Variants in GPATCH11 observed in about 807,000 individuals in gnomAD.
The protein encoded by GPATCH11 is G patch domain-containing protein 11.
A neutral mutation model predicts 44.8 loss-of-function variants in GPATCH11; 32 were observed. The ratio of observed to expected loss-of-function variants is 0.71; its 90% CI spans 0.54 to 0.96. The LOEUF (loss-of-function observed/expected upper bound fraction) is 0.96, where lower values mean the gene tolerates loss of function less well. Ranked by LOEUF, GPATCH11 falls within the 40% of genes least tolerant of loss-of-function variation. The pLI, the probability that GPATCH11 is intolerant of heterozygous loss-of-function variation, is 0.00. For missense variants in GPATCH11, 324 were observed against 303.1 expected, an observed-to-expected ratio of 1.07 and a Z score of -0.51; for synonymous variants, 84 against 94.4, an observed-to-expected ratio of 0.89 and a Z score of 0.64.
At position 37,098,947 on chromosome 2, in the gene GPATCH11, C is replaced by CTT. The variant is rs956087884; in HGVS notation, c.*2686_*2687dup. On this transcript the variant is annotated 3_prime_UTR_variant, in exon 9 of 9. Coordinates refer to ENST00000674370, the MANE Select transcript of GPATCH11 (RefSeq NM_174931.4). ...CAAGTTATTTTTAGGCCTTTTATGA[C>CTT]TTTATAAATAGGCAATAATGAACAC... is the stretch of plus-strand genomic sequence containing the variant. The CTT allele has an allele frequency of 1.3e-5, 2 of 152,068 alleles. No individual in the cohort carries two copies. The highest frequency in any genetic ancestry group is 2.4e-5 in the African/African-American group (1 of 41,398). The allele number at this position is 152,068 out of a possible 1,614,324, so 9.4% of individuals were successfully genotyped here. A position where few individuals can be genotyped will look rare whatever the true frequency, so the allele number is the denominator to read the frequency against.
At chr2:37,090,428 A>C (rs973373886) in intron 3 of GPATCH11, among the ~76,000 whole-genome samples, 1 of 152,192 alleles carries the variant, frequency 6.6e-6, no homozygotes, top group Non-Finnish European at 1.5e-5. Flanking sequence ...CAATAATATC[A>C]GTGTTGTTCC....
At position 37,099,068 on chromosome 2, in the gene GPATCH11, G is replaced by T. The variant is rs1229374868; in HGVS notation, c.*2805G>T. The stretch of plus-strand genomic sequence containing the variant: ...AAAACAATGTAAAATTTAATGTCAT[G>T]TTGTCATTTACTTTTGTGTATATTG... On this transcript the variant is annotated 3_prime_UTR_variant, in exon 9 of 9. Transcript: ENST00000674370. 6.6e-6 allele frequency: 1 copy of T among 152,114 alleles called. No homozygotes were observed. Among genetic ancestry groups the T allele is most frequent in the African/African-American group, 2.4e-5 (1 of 41,426 alleles). The allele number at this position is 152,114 out of a possible 1,614,324, so 9.4% of individuals were successfully genotyped here.
chr2:37,094,856 A>G (rs1334485114), intron 7 of GPATCH11, among the ~76,000 whole-genome samples: 1 of 151,792 alleles, frequency 6.6e-6, no homozygotes, highest in Non-Finnish European at 1.5e-5. Flanking sequence ...TAGGAGGATC[A>G]CGTGAGCCCG....
intron 1 of GPATCH11, 24 bp from the exon 2 acceptor site, chr2:37,088,345 A>AG: frequency 8.1e-7 from 1 of 1,231,856 alleles, no homozygotes. Context: ...CTAAAAAAAA[A>AG]AGTAATTATT....
At chr2:37,086,167 G>C (rs1475167042) in intron 1 of GPATCH11, among the ~76,000 whole-genome samples, 3 of 152,176 alleles carry the variant, frequency 2.0e-5, no homozygotes, top group African/African-American at 7.2e-5. Flanking sequence ...CTACACTAAG[G>C]ATGTAGAAAA....
intron 2 of GPATCH11, 115 bp downstream of exon 2, chr2:37,088,555 A>T: frequency 1.7e-6 from 1 of 584,508 alleles, no homozygotes; most frequent in South Asian, 2.7e-5. Context: ...TCATTCTGTT[A>T]GCAAGGCTGG....
rs982207501 is a variant in GPATCH11 at position 37,096,577 on chromosome 2, G to C, written c.*314G>C. ...CACTTTGGAACAAATTGAGAAATAA[G>C]AAATGGGAGTCAGAGGAAGAGAAAA... is the stretch of plus-strand genomic sequence containing the variant. On this transcript the variant is annotated 3_prime_UTR_variant, in exon 9 of 9. Coordinates refer to ENST00000674370, the MANE Select transcript of GPATCH11 (RefSeq NM_174931.4). 1 of 257,054 alleles carries C rather than the reference G, an allele frequency of 3.9e-6. No homozygotes were observed. Among genetic ancestry groups the C allele is most frequent in the African/African-American group, 2.3e-5 (1 of 43,502 alleles). 15.9% of individuals were successfully genotyped at this position (257,054 alleles called of 1,614,324 possible). A position where few individuals can be genotyped will look rare whatever the true frequency, so the allele number is the denominator to read the frequency against.
At chr2:37,090,472 G>T (rs920707654) in intron 3 of GPATCH11, among the ~76,000 whole-genome samples, 6 of 152,140 alleles carry the variant, frequency 3.9e-5, no homozygotes, top group Non-Finnish European at 8.8e-5. Flanking sequence ...GGCATAGGAG[G>T]CTGTGAATCA....
In GPATCH11 at chr2:37,095,500, T is replaced by C; in HGVS notation, c.718T>C (p.Cys240Arg). 6.2e-7 allele frequency: 1 copy of C among 1,603,824 alleles called. No homozygotes were observed. ...LREEHLYCIW[C>R]GTAYEDKEDL... ...AGAAGAACATCTATATTGTATTTGGTGTGGAACAGCCTATGAAGGTAAGAA... is the reference window on the plus strand; with the variant it reads ...AGAAGAACATCTATATTGTATTTGGCGTGGAACAGCCTATGAAGGTAAGAA... The change falls in exon 8 of 9, where the codon TGT becomes CGT. Residue 240 changes from cysteine (C) to arginine (R), a missense_variant. Physicochemically the swap from Cys to Arg is radical, Grantham distance 180. Transcript: ENST00000674370.
In GPATCH11 at chr2:37,089,823, C is replaced by T. The variant is rs1296408122; in HGVS notation, c.243C>T (p.Leu81=). Reference sequence around the variant, plus strand: ...GTGAAAACAAAGGGTTTGCCTTGCTCCAAAAGATGGGCTATAAAAGTGGTC... The same window carrying T: ...GTGAAAACAAAGGGTTTGCCTTGCTTCAAAAGATGGGCTATAAAAGTGGTC... ...LGCENKGFAL[L]QKMGYKSGQA... is the part of the protein sequence containing the mutation. Residue 81 remains leucine, a synonymous_variant, in exon 3 of 9, where the codon CTC becomes CTT. Coordinates refer to ENST00000674370, the MANE Select transcript of GPATCH11 (RefSeq NM_174931.4). 6.4e-7 allele frequency: 1 copy of T among 1,551,530 alleles called. No individual in the cohort carries two copies. Among genetic ancestry groups the T allele is most frequent in the Non-Finnish European group, 8.7e-7 (1 of 1,147,004 alleles).
At chr2:37,087,685 G>T (rs1673114762) in intron 1 of GPATCH11, among the ~76,000 whole-genome samples, 1 of 152,196 alleles carries the variant, frequency 6.6e-6, no homozygotes, top group Non-Finnish European at 1.5e-5. Context: ...GAGTGGTCAG[G>T]AGAGGTTTCT....
At position 37,088,385 on chromosome 2, in the gene GPATCH11, A is replaced by G; in HGVS notation, c.4A>G (p.Lys2Glu). The change falls in exon 2 of 9, where the codon AAG (lysine) becomes GAG (glutamate). Residue 2 changes from lysine to glutamate, a missense_variant. Physicochemically the swap from Lys to Glu is moderately conservative, Grantham distance 56 (BLOSUM62 1). Coordinates refer to ENST00000674370, the MANE Select transcript of GPATCH11 (RefSeq NM_174931.4). M[K>E]LNMAEEEDYM... ...TATTTGTAGATACTATAGCCATATG[A>G]AGTTGAACATGGCAGAAGAAGAGGA... 1 of 1,548,174 alleles carries G rather than the reference A, an allele frequency of 6.5e-7. No individual in the cohort carries two copies. The highest frequency in any genetic ancestry group is 1.4e-5 in the African/African-American group (1 of 73,426).
intron 2 of GPATCH11, among the ~76,000 whole-genome samples, chr2:37,089,070 A>C (rs775915990): frequency 7.9e-5 from 12 of 152,178 alleles, no homozygotes; most frequent in Non-Finnish European, 1.5e-5. Context: ...CTAGAAACAT[A>C]GTAAGTCTAA....
Position 37,089,585 on chromosome 2 carries a change from AAAAAG to A in GPATCH11, c.60-45_60-41del, listed in dbSNP as rs916813934. The A allele has an allele frequency of 1.4e-5, 18 of 1,297,230 alleles. No individual in the cohort carries two copies. In the South Asian group the frequency reaches 1.7e-4, roughly 12 times the overall value. 80.4% of individuals were successfully genotyped at this position (1,297,230 alleles called of 1,614,324 possible). A position where few individuals can be genotyped will look rare whatever the true frequency, so the allele number is the denominator to read the frequency against. ...TCCGTCTCAAAAAATAAAAAAAAAA[AAAAAG>A]AAAAGAAAACTTTATGGACTCATCT... On this transcript the variant is annotated intron_variant, in intron 2 of 8. Coordinates refer to ENST00000674370, the MANE Select transcript of GPATCH11 (RefSeq NM_174931.4).
Position 37,092,161 on chromosome 2 carries a change from T to G in GPATCH11, c.450-4T>G, listed in dbSNP as rs1457523714. 1 of 1,553,254 alleles carries G rather than the reference T, an allele frequency of 6.4e-7. No homozygotes were observed. The highest frequency in any genetic ancestry group is 1.2e-5 in the South Asian group (1 of 80,190). On this transcript the variant is annotated splice_region_variant and splice_polypyrimidine_tract_variant and intron_variant, in intron 5 of 8. Coordinates refer to ENST00000674370, the MANE Select transcript of GPATCH11 (RefSeq NM_174931.4). ...TTTAGTTTACAATTTTTTCTTTCAATTAGAATGCGACTTAAAAATAAGCAA... is the reference window on the plus strand; with the variant it reads ...TTTAGTTTACAATTTTTTCTTTCAAGTAGAATGCGACTTAAAAATAAGCAA...
At chr2:37,092,517 C>T (rs1201918468) in intron 6 of GPATCH11, among the ~76,000 whole-genome samples, 6 of 143,998 alleles carry the variant, frequency 4.2e-5, no homozygotes, top group Non-Finnish European at 7.5e-5. Context: ...CTAAGAACTC[C>T]AAGCCCGGTT....
intron 4 of GPATCH11, among the ~76,000 whole-genome samples, chr2:37,091,183 G>T (rs977469457): frequency 6.6e-6 from 1 of 152,138 alleles, no homozygotes; most frequent in African/African-American, 2.4e-5. Context: ...AATTAGCCGG[G>T]CATGGTGGTG....
rs1259444974 is a variant in GPATCH11, at chr2:37,097,533, C to T, written c.*1270C>T. 6.6e-6 allele frequency: 1 copy of T among 152,142 alleles called. No individual in the cohort carries two copies. Among genetic ancestry groups the T allele is most frequent in the Non-Finnish European group, 1.5e-5 (1 of 68,044 alleles). The allele number at this position is 152,142 out of a possible 1,614,324, so 9.4% of individuals were successfully genotyped here. ...AGTGATAAGCACCTGAGGATAAGAA[C>T]TAGTACTGAGGTTAAGGATGGAGCA... is the stretch of plus-strand genomic sequence containing the variant. On this transcript the variant is annotated 3_prime_UTR_variant, in exon 9 of 9. Transcript: ENST00000674370.
intron 4 of GPATCH11, among the ~76,000 whole-genome samples, chr2:37,091,542 TA>T (rs1673320801): frequency 6.6e-6 from 1 of 152,064 alleles, no homozygotes; most frequent in Non-Finnish European, 1.5e-5. Context: ...CCTGTCCCTA[TA>T]AAAATAAAAT....
Sources: allele counts gnomAD v4.1 joint callset (sites outside exome capture counted in the v4.1 genomes callset), GRCh38; gene constraint gnomAD v4.1.1; transcripts MANE v1.5; gene names NCBI Gene and HGNC (gene_info 2026-07-23, HGNC 2026-07-21).